Variants in RET observed in about 807,000 individuals in gnomAD.
The protein encoded by RET is proto-oncogene tyrosine-protein kinase receptor Ret.
A neutral mutation model predicts 118.3 loss-of-function variants in RET; 19 were observed. The observed-to-expected ratio is 0.16, with a 90% confidence interval of 0.11 to 0.24. The LOEUF is 0.24. Among genes scored for constraint, RET ranks in the 10% least tolerant of loss-of-function variants. The pLI is 1.00. For synonymous variants in RET, 597 were observed against 644.1 expected, an observed-to-expected ratio of 0.93 and a Z score of 1.11; for missense variants, 1,219 against 1,502.1, an observed-to-expected ratio of 0.81 and a Z score of 3.12.
In RET at chr10:43,100,735, C is replaced by T. The variant is rs2742232; in HGVS notation, c.337+13C>T. The T allele has an allele frequency of 1.3e-6, 2 of 1,580,526 alleles. No individual in the cohort carries two copies. The highest frequency in any genetic ancestry group is 1.7e-6 in the Non-Finnish European group (2 of 1,164,202). On this transcript the variant is annotated intron_variant, in intron 2 of 19. Transcript: ENST00000355710. ...CTCAGTGTCCGCAGTAAGGGAGCCGCCCCAACACCCACCCCGTGCCCCACC... is the reference window on the plus strand; with the variant it reads ...CTCAGTGTCCGCAGTAAGGGAGCCGTCCCAACACCCACCCCGTGCCCCACC...
intron 5 of RET, 24 bp from the exon 6 acceptor site, chr10:43,109,007 T>C: frequency 6.2e-7 from 1 of 1,608,434 alleles, no homozygotes; most frequent in Non-Finnish European, 8.5e-7. Context: ...AGCTTGGTGG[T>C]CATTGTTGTG....
intron 14 of RET, 48 bp from the exon 15 acceptor site, chr10:43,120,033 G>A (rs759120982): frequency 2.8e-5 from 45 of 1,608,720 alleles, no homozygotes; most frequent in Admixed American, 8.4e-5. Context: ...GCCAGTGACC[G>A]CTGCTGCCTG....
chr10:43,114,411 A>G lies in RET; in HGVS notation c.1880-69A>G. The G allele has an allele frequency of 6.3e-7, 1 of 1,592,744 alleles. No homozygotes were observed. Among genetic ancestry groups the G allele is most frequent in the Non-Finnish European group, 8.5e-7 (1 of 1,175,346 alleles). The stretch of plus-strand genomic sequence containing the variant: ...AGGCTGGAGAGCCATGAGGCAGAGC[A>G]TACGCAGCCTGTACCCAGTGGTGCC... On this transcript the variant is annotated intron_variant, in intron 10 of 19. Coordinates refer to ENST00000355710, the MANE Select transcript of RET (RefSeq NM_020975.6). The surrounding 1 kb of genome is among the most constrained non-coding windows in gnomAD (Gnocchi z 4.6).
At chr10:43,110,515 G>A (rs894513461) in intron 6 of RET, among the ~76,000 whole-genome samples, 3 of 152,192 alleles carry the variant, frequency 2.0e-5, no homozygotes, top group Admixed American at 2.0e-4. Context: ...GAGGTTGAAA[G>A]AATTCAGCTG....
In RET at chr10:43,114,598, G is replaced by A; in HGVS notation, c.1998G>A (p.Lys666=). Residue 666 remains lysine (K), a synonymous_variant, in exon 11 of 20, where the codon AAG becomes AAA. Coordinates refer to ENST00000355710, the MANE Select transcript of RET (RefSeq NM_020975.6). The surrounding 1 kb of genome is among the most constrained non-coding windows in gnomAD (Gnocchi z 4.6). The part of the protein sequence containing the change: ...CIHCYHKFAH[K]PPISSAEMTF... ...ACTGCTACCACAAGTTTGCCCACAA[G>A]CCACCCATCTCCTCAGCTGAGATGA... 6.2e-7 allele frequency: 1 copy of A among 1,612,954 alleles called. No individual in the cohort carries two copies. The highest frequency in any genetic ancestry group is 8.5e-7 in the Non-Finnish European group (1 of 1,179,990).
At chr10:43,091,517 G>C (rs1837409292) in intron 1 of RET, among the ~76,000 whole-genome samples, 1 of 151,860 alleles carries the variant, frequency 6.6e-6, no homozygotes, top group Non-Finnish European at 1.5e-5. Flanking sequence ...TGTAATCCCA[G>C]CTACTTGGGA....
At position 43,077,318 on chromosome 10, in the gene RET, G is replaced by A. The variant is rs1263991822; in HGVS notation, c.60G>A (p.Pro20=). ...GLRLLLLLLL[P]LLGKVALGLY... is the part of the protein sequence containing the mutation. ...GTCTGCTGTTGCTGCTGCTGCTGCCGCTGCTAGGCAAAGGTGAGTTCTGCC... is the reference window on the plus strand; with the variant it reads ...GTCTGCTGTTGCTGCTGCTGCTGCCACTGCTAGGCAAAGGTGAGTTCTGCC... Residue 20 remains proline, a synonymous_variant, in exon 1 of 20, where the codon CCG becomes CCA. Transcript: ENST00000355710. The A allele has an allele frequency of 6.6e-7, 1 of 1,511,412 alleles. No individual in the cohort carries two copies. The highest frequency in any genetic ancestry group is 8.8e-7 in the Non-Finnish European group (1 of 1,135,332). The allele number at this position is 1,511,412 out of a possible 1,614,324, so 93.6% of individuals were successfully genotyped here.
intron 15 of RET, among the ~76,000 whole-genome samples, chr10:43,120,948 A>G (rs1322458382): frequency 1.3e-5 from 2 of 152,134 alleles, no homozygotes; most frequent in Non-Finnish European, 2.9e-5. Flanking sequence ...AAGAAGAAAA[A>G]AAAAAACCAC....
rs754967305 is a variant in RET, at chr10:43,100,733, C to T, written c.337+11C>T. On this transcript the variant is annotated intron_variant, in intron 2 of 19. Coordinates refer to ENST00000355710, the MANE Select transcript of RET (RefSeq NM_020975.6). ...AGCTCAGTGTCCGCAGTAAGGGAGC[C>T]GCCCCAACACCCACCCCGTGCCCCA... 7.3e-5 allele frequency: 116 copies of T among 1,581,798 alleles called. No individual in the cohort carries two copies. Among genetic ancestry groups the T allele is most frequent in the Admixed American group, 1.4e-4 (8 of 55,452 alleles).
intron 4 of RET, among the ~76,000 whole-genome samples, chr10:43,105,696 A>G (rs753595785): frequency 3.3e-5 from 5 of 152,288 alleles, no homozygotes; most frequent in Non-Finnish European, 4.4e-5. Flanking sequence ...CCCACCCAGC[A>G]GGGGCCGTGG....
intron 1 of RET, among the ~76,000 whole-genome samples, chr10:43,085,284 C>T (rs1837266006): frequency 6.6e-6 from 1 of 152,184 alleles, no homozygotes; most frequent in African/African-American, 2.4e-5. Context: ...TGGCAAACAG[C>T]GGGGAAGCAC....
rs1165871896 is a variant in RET, at chr10:43,106,609, A to G, written c.1063+38A>G. On this transcript the variant is annotated intron_variant, in intron 5 of 19. Coordinates refer to ENST00000355710, the MANE Select transcript of RET (RefSeq NM_020975.6). This position sits in a 1 kb window ranked among gnomAD's most constrained non-coding sequence, Gnocchi z 5.1. ...GGTGGCACGGCCTGGCTAGGCCCCC[A>G]GGAAATGAGGTGCTCGCTCTTCATG... is the stretch of plus-strand genomic sequence containing the variant. 9 of 1,598,170 alleles carry G rather than the reference A, an allele frequency of 5.6e-6. No homozygotes were observed. In the South Asian group the frequency reaches 8.9e-5, roughly 16 times the overall value.
Position 43,077,183 on chromosome 10 carries a change from G to C in RET, c.-76G>C, listed in dbSNP as rs1837061019. The C allele has an allele frequency of 7.2e-7, 1 of 1,384,286 alleles. No individual in the cohort carries two copies. The highest frequency in any genetic ancestry group is 1.5e-5 in the African/African-American group (1 of 66,546). 85.8% of individuals were successfully genotyped at this position (1,384,286 alleles called of 1,614,324 possible). A position where few individuals can be genotyped will look rare whatever the true frequency, so the allele number is the denominator to read the frequency against. ...CGGGCGGGGATGGGGCGGCCAGACT[G>C]AGCGCCGCACCCGCCATCCAGACCC... On this transcript the variant is annotated 5_prime_UTR_variant, in exon 1 of 20. It removes the in-frame stop codon of an upstream open reading frame in the 5' UTR. Transcript: ENST00000355710.
At chr10:43,113,788 G>A (rs893131423) in intron 10 of RET, 113 bp downstream of exon 10, 20 of 1,460,174 alleles carry the variant, frequency 1.4e-5, no homozygotes, top group Non-Finnish European at 1.7e-5. Flanking sequence ...TGGGCCCCAT[G>A]AAACTTCCCT....
At position 43,090,878 on chromosome 10, in the gene RET, G is replaced by A. The variant is rs11239877; in HGVS notation, c.74-9581G>A. ...GCCCTCACACCTGCCTAGAGATGGC[G>A]CGCTCCCTAGCCAGTCAGGGCGCTC... On this transcript the variant is annotated intron_variant, in intron 1 of 19. Coordinates refer to ENST00000355710, the MANE Select transcript of RET (RefSeq NM_020975.6). Among the ~76,000 whole-genome samples the A allele has an allele frequency of 1.2e-4, 18 of 149,828 alleles. No individual in the cohort carries two copies. In the East Asian group the frequency reaches 3.2e-3, roughly 27 times the overall value.
intron 1 of RET, among the ~76,000 whole-genome samples, chr10:43,083,952 C>A (rs1331775683): frequency 1.3e-5 from 2 of 152,234 alleles, no homozygotes; most frequent in Non-Finnish European, 2.9e-5. Flanking sequence ...TGTCCCCGGG[C>A]AACCCCCAGC....
At chr10:43,125,038 C>A in intron 18 of RET, 56 bp downstream of exon 18, 1 of 1,523,106 alleles carries the variant, frequency 6.6e-7, no homozygotes, top group Non-Finnish European at 9.1e-7. Context: ...AGACTCCAGC[C>A]TCACCCCAGG....
chr10:43,120,006 T>A, intron 14 of RET, 75 bp from the exon 15 acceptor site: 1 of 1,595,880 alleles, frequency 6.3e-7, no homozygotes, highest in Non-Finnish European at 8.5e-7. Context: ...ACCCCTCTGC[T>A]GGTCACACCA....
chr10:43,111,639 C>G (rs1013278365), intron 7 of RET, among the ~76,000 whole-genome samples, 174 bp downstream of exon 7: 1 of 152,262 alleles, frequency 6.6e-6, no homozygotes, highest in Non-Finnish European at 1.5e-5. Flanking sequence ...TTCCAGATAA[C>G]ATACAGGACC....
Sources: gnomAD v4.1 joint callset for allele counts (sites outside exome capture counted in the v4.1 genomes callset) on GRCh38, gnomAD v4.1.1 for gene constraint, Gnocchi (gnomAD v3.1) non-coding constraint, MANE v1.5 for transcripts, NCBI Gene and HGNC (gene_info 2026-07-23, HGNC 2026-07-21) for gene names.